The following CSMD1 variants were observed in gnomAD, a reference collection of about 807,000 sequenced individuals.
CSMD1 encodes CUB and sushi domain-containing protein 1.
CSMD1 carries 213 observed loss-of-function variants against 417.5 expected under a neutral mutation model. The observed-to-expected ratio is 0.51, with a 90% CI of 0.46 to 0.57. CSMD1 has a LOEUF of 0.57. Among genes scored for constraint, CSMD1 ranks in the 20% least tolerant of loss-of-function variants. The probability of loss-of-function intolerance (pLI) is 0.00; values close to 1 mark genes in which losing one functional copy is unlikely to be tolerated. For synonymous variants in CSMD1, 2,862 were observed against 1,736.8 expected (o/e 1.65, Z -16.11); for missense variants, 6,923 against 4,529.7 (o/e 1.53, Z -15.17).
intron 2 of CSMD1, among the ~76,000 whole-genome samples, chr8:4,486,246 CAT>C (rs1435310751): frequency 9.7e-5 from 1 of 10,266 alleles, no homozygotes; most frequent in African/African-American, 3.9e-4. Context: ...TATATATATA[CAT>C]ACATATATAT....
chr8:4,829,411 AC>A (rs1800011946), intron 1 of CSMD1, among the ~76,000 whole-genome samples: 1 of 152,160 alleles, frequency 6.6e-6, no homozygotes, highest in Admixed American at 6.5e-5. Context: ...ACTTAGTCAT[AC>A]CTTTTACTGC....
intron 49 of CSMD1, among the ~76,000 whole-genome samples, chr8:3,064,857 G>C (rs905216775): frequency 1.1e-4 from 16 of 152,100 alleles, no homozygotes; most frequent in Non-Finnish European, 2.2e-4. Context: ...AGACAAGTTA[G>C]GGGCTTAGTT....
chr8:4,034,493 A>G (rs1364648182), intron 3 of CSMD1, among the ~76,000 whole-genome samples: 3 of 152,198 alleles, frequency 2.0e-5, no homozygotes, highest in Non-Finnish European at 4.4e-5. Flanking sequence ...CCTTAAAGCA[A>G]ACATGTGTGC....
At chr8:4,298,742 ATTAATG>A (rs930547691) in intron 3 of CSMD1, among the ~76,000 whole-genome samples, 10 of 152,122 alleles carry the variant, frequency 6.6e-5, no homozygotes, top group African/African-American at 2.2e-4. Context: ...ATGTTAAGAA[ATTAATG>A]TTAAAGTGAT....
chr8:4,071,994 C>G (rs994039126), intron 3 of CSMD1, among the ~76,000 whole-genome samples: 1 of 152,136 alleles, frequency 6.6e-6, no homozygotes, highest in African/African-American at 2.4e-5. Context: ...ATTCCTCCCT[C>G]ATTTTCTGGT....
intron 10 of CSMD1, among the ~76,000 whole-genome samples, chr8:3,508,828 T>C (rs954798043): frequency 2.6e-5 from 4 of 152,244 alleles, no homozygotes; most frequent in South Asian, 2.1e-4. Context: ...AAGAGACACA[T>C]CAGCTGTCAC....
At chr8:3,189,839 T>C (rs1585604437) in intron 34 of CSMD1, 73 bp downstream of exon 34, 3 of 1,358,516 alleles carry the variant, frequency 2.2e-6, no homozygotes, top group East Asian at 5.0e-5. Context: ...GTAGCCTGGA[T>C]AGAAACATGA....
intron 7 of CSMD1, among the ~76,000 whole-genome samples, chr8:3,666,585 T>G (rs2623618): frequency 0.14 from 20,896 of 152,098 alleles, 1,661 homozygotes; most frequent in African/African-American, 0.21. Context: ...CATCTTGAAT[T>G]GTAGCTCCCA....
At chr8:3,961,024 C>G (rs2129979322) in intron 5 of CSMD1, among the ~76,000 whole-genome samples, 1 of 151,876 alleles carries the variant, frequency 6.6e-6, no homozygotes, top group East Asian at 1.9e-4. Context: ...GTACAATTCC[C>G]ATTTTAAAAA....
At chr8:4,570,897 C>T (rs187956543) in intron 2 of CSMD1, among the ~76,000 whole-genome samples, 1 of 152,202 alleles carries the variant, frequency 6.6e-6, no homozygotes, top group African/African-American at 2.4e-5. Context: ...AGGAATTTGT[C>T]CATTTCTTCT....
At chr8:4,140,103 A>G (rs1385165919) in intron 3 of CSMD1, among the ~76,000 whole-genome samples, 1 of 151,032 alleles carries the variant, frequency 6.6e-6, no homozygotes, top group Non-Finnish European at 1.5e-5. Context: ...CTATAGTCCT[A>G]ACACTTTTGG....
intron 3 of CSMD1, among the ~76,000 whole-genome samples, chr8:4,093,965 A>AATAGATAGATAGATAGATAGATAG (rs201105711): frequency 1.5e-5 from 2 of 136,864 alleles, no homozygotes; most frequent in Admixed American, 7.7e-5. Context: ...CTACATCTCA[A>AATAGATAGATAGATAGATAGATAG]ATAGATAGAT....
intron 7 of CSMD1, among the ~76,000 whole-genome samples, chr8:3,623,869 C>G (rs1023281073): frequency 1.3e-5 from 2 of 151,962 alleles, no homozygotes; most frequent in African/African-American, 2.4e-5. Context: ...CCCAGCTACT[C>G]TGGAGGCTGA....
chr8:2,958,841 C>G (rs1204410251), intron 62 of CSMD1, among the ~76,000 whole-genome samples: 1 of 152,196 alleles, frequency 6.6e-6, no homozygotes, highest in Non-Finnish European at 1.5e-5. Context: ...TGTCTGCCTT[C>G]TCACAGGCAT....
At position 3,944,305 on chromosome 8, in the gene CSMD1, G is replaced by A. The variant is rs867484866; in HGVS notation, c.818+53598C>T. Among the ~76,000 whole-genome samples, 37 of 152,200 alleles carry A rather than the reference G, an allele frequency of 2.4e-4. 1 individual carries two copies. The Middle Eastern group carries it at 0.01, about 42-fold the overall frequency. Reference sequence around the variant, plus strand: ...ATCAAACCTGTCAGTTTGAGCCCCGGATAATTAACTTTTGCATAATGCCTT... The same window carrying A: ...ATCAAACCTGTCAGTTTGAGCCCCGAATAATTAACTTTTGCATAATGCCTT... On this transcript the variant is annotated intron_variant, in intron 5 of 69. Transcript: ENST00000635120.
chr8:3,684,180 T>C (rs1481708), intron 7 of CSMD1, among the ~76,000 whole-genome samples: 4 of 130,854 alleles, frequency 3.1e-5, no homozygotes, highest in African/African-American at 1.2e-4. Context: ...ATTTACATGT[T>C]ACATGTAATA....
intron 5 of CSMD1, among the ~76,000 whole-genome samples, chr8:3,957,093 T>C (rs1367514642): frequency 2.0e-5 from 3 of 151,448 alleles, no homozygotes; most frequent in Non-Finnish European, 4.4e-5. Context: ...GTATATGTCT[T>C]TGGAAACTAT....
chr8:4,314,838 G>C lies in CSMD1; in HGVS notation c.415+105115C>G, dbSNP rs191941017. On this transcript the variant is annotated intron_variant, in intron 3 of 69. Transcript: ENST00000635120. ...AAAAGGGCAAAGGATTTTGTAAGAG[G>C]AGGGAGCTGCGACAAGCTGGGTGTT... Among the ~76,000 whole-genome samples the C allele has an allele frequency of 3.4e-4, 52 of 152,298 alleles. No homozygotes were observed. The East Asian group carries it at 9.7e-3, about 28-fold the overall frequency.
intron 1 of CSMD1, among the ~76,000 whole-genome samples, chr8:4,708,770 A>G (rs1170063123): frequency 2.6e-5 from 4 of 152,152 alleles, no homozygotes; most frequent in Non-Finnish European, 5.9e-5. Context: ...GCATGGGACT[A>G]TATTTGGAGA....
Sources: allele counts gnomAD v4.1 joint callset (sites outside exome capture counted in the v4.1 genomes callset), GRCh38; gene constraint gnomAD v4.1.1; transcripts MANE v1.5; gene names NCBI Gene and HGNC (gene_info 2026-07-23, HGNC 2026-07-21).